The following SNX25 variants were observed in gnomAD, a reference collection of about 807,000 sequenced individuals.
The protein encoded by SNX25 is sorting nexin-25.
A neutral mutation model predicts 113.7 loss-of-function variants in SNX25; 62 were observed. That is an observed-to-expected ratio of 0.55 (90% CI 0.44 to 0.67). The LOEUF is 0.67. SNX25 is among the 30% of genes least tolerant of loss of function. The pLI is 0.00. For synonymous variants in SNX25, 421 were observed against 436.2 expected (o/e 0.97, Z 0.43); for missense variants, 1,014 against 1,161.0 (o/e 0.87, Z 1.84).
At position 185,223,948 on chromosome 4, in the gene SNX25, C is replaced by G. The variant is rs551089720; in HGVS notation, c.429+13693C>G. ...TCTTCGGTTACATAAAGGTACAGTT[C>G]GGTAGAAAAGCTGGATGAAACCTTG... is the stretch of plus-strand genomic sequence containing the variant. On this transcript the variant is annotated intron_variant, in intron 1 of 18. Coordinates refer to ENST00000652585, the MANE Select transcript of SNX25 (RefSeq NM_001378034.2). Among the ~76,000 whole-genome samples the G allele has an allele frequency of 2.0e-5, 3 of 152,138 alleles. No individual in the cohort carries two copies. In the East Asian group the frequency reaches 5.8e-4, roughly 29 times the overall value.
chr4:185,377,695 G>C, the SNX25 span: 1 of 172,926 alleles, frequency 5.8e-6, no homozygotes, highest in Non-Finnish European at 1.2e-5. Flanking sequence ...GCCTTAATGA[G>C]AGTTCCTCTA....
intron 5 of SNX25, among the ~76,000 whole-genome samples, chr4:185,281,184 G>A (rs1469953818): frequency 2.6e-5 from 4 of 151,912 alleles, no homozygotes; most frequent in Admixed American, 2.0e-4. Flanking sequence ...GGGCTAAAAT[G>A]CTCTGTAATC....
intron 1 of SNX25, among the ~76,000 whole-genome samples, chr4:185,221,207 A>AT (rs1406266781): frequency 6.6e-6 from 1 of 151,742 alleles, no homozygotes; most frequent in East Asian, 1.9e-4. Flanking sequence ...TAATTTTTGT[A>AT]TTTTTTGTAG....
chr4:185,276,084 T>C (rs1323975577), intron 5 of SNX25, among the ~76,000 whole-genome samples: 2 of 152,206 alleles, frequency 1.3e-5, no homozygotes, highest in African/African-American at 4.8e-5. Context: ...GATAATTATG[T>C]ATTGGCAGCA....
rs550026423 is a variant in SNX25 at position 185,238,979 on chromosome 4, C to G, written c.430-8315C>G. On this transcript the variant is annotated intron_variant, in intron 1 of 18. Transcript: ENST00000652585. ...GGAGTTCCTGATTGTTCAGTTGCTT[C>G]TGGTGTGAGTACTCAGGTTTCTCTG... is the stretch of plus-strand genomic sequence containing the variant. Among the ~76,000 whole-genome samples, 200 of 152,212 alleles carry G rather than the reference C, an allele frequency of 1.3e-3. 1 individual carries two copies. Among genetic ancestry groups the G allele is most frequent in the Non-Finnish European group, 2.0e-3 (138 of 68,030 alleles).
intron 16 of SNX25, among the ~76,000 whole-genome samples, chr4:185,358,220 T>C (rs2126754494): frequency 6.6e-6 from 1 of 152,368 alleles, no homozygotes; most frequent in East Asian, 1.9e-4. Flanking sequence ...TTAGTTAATA[T>C]CTGCGTATCC....
At chr4:185,295,181 G>T (rs1314902480) in intron 6 of SNX25, among the ~76,000 whole-genome samples, 3 of 152,246 alleles carry the variant, frequency 2.0e-5, no homozygotes, top group Middle Eastern at 3.4e-3. Context: ...TTGCATTTTG[G>T]AGGTAGTGTG....
At chr4:185,266,942 A>C in intron 4 of SNX25, 27 bp from the exon 5 acceptor site, 1 of 1,596,352 alleles carries the variant, frequency 6.3e-7, no homozygotes, top group Non-Finnish European at 8.5e-7. Context: ...TACCTTTCTC[A>C]GTGGCTATTT....
intron 5 of SNX25, among the ~76,000 whole-genome samples, chr4:185,282,418 C>G (rs1401555622): frequency 6.6e-6 from 1 of 152,172 alleles, no homozygotes; most frequent in African/African-American, 2.4e-5. Context: ...ATCTACCCAC[C>G]TCAGCCTCCC....
intron 16 of SNX25, among the ~76,000 whole-genome samples, chr4:185,360,602 G>A (rs1307771265): frequency 6.6e-6 from 1 of 151,922 alleles, no homozygotes; most frequent in Non-Finnish European, 1.5e-5. Context: ...TGGGCTCTTT[G>A]AACTGTGTGT....
intron 14 of SNX25, chr4:185,353,216 A>G (rs969800891): frequency 3.6e-6 from 1 of 276,128 alleles, no homozygotes; most frequent in Non-Finnish European, 6.7e-6. Context: ...TGGTTAGAAA[A>G]CTATTTTATT....
chr4:185,293,058 T>C (rs1288242147), intron 6 of SNX25, among the ~76,000 whole-genome samples: 1 of 152,258 alleles, frequency 6.6e-6, no homozygotes, highest in African/African-American at 2.4e-5. Flanking sequence ...AGAACTCTTA[T>C]AACTCGATAA....
chr4:185,272,265 A>G (rs112734297), intron 5 of SNX25, among the ~76,000 whole-genome samples: 2,334 of 152,352 alleles, frequency 0.015, 66 homozygotes, highest in African/African-American at 0.054. Flanking sequence ...AAGGCAAACC[A>G]GAGCTCAGAA....
upstream of SNX25, among the ~76,000 whole-genome samples, chr4:185,206,979 C>G (rs1309064531): frequency 6.6e-6 from 1 of 152,060 alleles, no homozygotes; most frequent in East Asian, 1.9e-4. Context: ...GTTCTGATGT[C>G]CAAGGATGGG....
intron 6 of SNX25, chr4:185,296,134 G>A (rs1752805251): frequency 6.6e-6 from 1 of 152,158 alleles, no homozygotes; most frequent in African/African-American, 2.4e-5. Flanking sequence ...TAAGGGCCTA[G>A]CTAGTTCTCT....
At chr4:185,378,477 T>C in the SNX25 span, 1 of 1,170,694 alleles carries the variant, frequency 8.5e-7, no homozygotes, top group Non-Finnish European at 1.1e-6. Context: ...TGGCTATGGG[T>C]TTATACATCA....
chr4:185,331,824 A>G (rs949771893), intron 9 of SNX25, among the ~76,000 whole-genome samples: 1 of 152,204 alleles, frequency 6.6e-6, no homozygotes, highest in African/African-American at 2.4e-5. Flanking sequence ...CTATTTTTCT[A>G]TGACCATTGG....
rs994099840 is a variant in SNX25, at chr4:185,258,704, G to A, written c.515-144G>A. The A allele has an allele frequency of 7.8e-6, 5 of 641,880 alleles. No individual in the cohort carries two copies. In the South Asian group the frequency reaches 1.1e-4, roughly 15 times the overall value. The allele number at this position is 641,880 out of a possible 1,614,324, so 39.8% of individuals were successfully genotyped here. A position where few individuals can be genotyped will look rare whatever the true frequency, so the allele number is the denominator to read the frequency against. ...GAATCTTTCGTTTTAAAAGACTTAG[G>A]AATTCTCATGAGTTCTGTTTTCTCC... On this transcript the variant is annotated intron_variant, in intron 2 of 18. Transcript: ENST00000652585.
intron 2 of SNX25, among the ~76,000 whole-genome samples, chr4:185,251,705 A>C (rs1745688679): frequency 6.6e-6 from 1 of 151,152 alleles, no homozygotes; most frequent in Non-Finnish European, 1.5e-5. Flanking sequence ...TGGCTATTGT[A>C]ATTGATGCTG....
Sources: gnomAD v4.1 joint callset for allele counts (sites outside exome capture counted in the v4.1 genomes callset) on GRCh38, gnomAD v4.1.1 for gene constraint, MANE v1.5 for transcripts, NCBI Gene and HGNC (gene_info 2026-07-23, HGNC 2026-07-21) for gene names.